Variants in C9orf50 observed in about 807,000 individuals in gnomAD.
C9orf50 encodes chromosome 9 open reading frame 50, also known as uncharacterized protein C9orf50.
Under a neutral mutation model 42.5 loss-of-function variants are expected in C9orf50, and 33 were observed. That is an observed-to-expected ratio of 0.78 (90% CI 0.59 to 1.04). The LOEUF is 1.04. C9orf50 is among the 50% of genes least tolerant of loss of function. The probability of loss-of-function intolerance (pLI) is 0.00; values close to 1 mark genes in which losing one functional copy is unlikely to be tolerated. For missense variants in C9orf50, 547 were observed against 594.3 expected (o/e 0.92, Z 0.83); for synonymous variants, 257 against 273.4 (o/e 0.94, Z 0.59).
In C9orf50 at chr9:129,620,482, C is replaced by T. The variant is rs995004659; in HGVS notation, c.93G>A (p.Arg31=). 10 of 1,387,660 alleles carry T rather than the reference C, an allele frequency of 7.2e-6. No individual in the cohort carries two copies. In the African/African-American group the frequency reaches 1.3e-4, roughly 19 times the overall value. 86.0% of individuals were successfully genotyped at this position (1,387,660 alleles called of 1,614,324 possible). A position where few individuals can be genotyped will look rare whatever the true frequency, so the allele number is the denominator to read the frequency against. Residue 31 remains arginine, a synonymous_variant, in exon 1 of 7, where the codon CGG becomes CGA. Transcript: ENST00000372478. The surrounding 1 kb of genome is among the most constrained non-coding windows in gnomAD (Gnocchi z 5.8). Reference sequence around the variant, plus strand: ...GCGCGGGCGGGGTCAGCTTGGGCAGCCGCGGGTCGCTGCTGCGTCGGAAGT... The same window carrying T: ...GCGCGGGCGGGGTCAGCTTGGGCAGTCGCGGGTCGCTGCTGCGTCGGAAGT...
chr9:129,619,298 G>C (rs1307242027), intron 3 of C9orf50, among the ~76,000 whole-genome samples: 3 of 152,158 alleles, frequency 2.0e-5, no homozygotes, highest in African/African-American at 7.2e-5. Flanking sequence ...TTATGTGTTG[G>C]TAGAAGACCT....
At position 129,619,824 on chromosome 9, in the gene C9orf50, G is replaced by GGGGAT. The variant is rs775355146; in HGVS notation, c.510_514dup (p.Pro172HisfsTer12). 2.0e-5 allele frequency: 32 copies of GGGGAT among 1,614,092 alleles called. No homozygotes were observed. The African/African-American group carries it at 3.6e-4, about 18-fold the overall frequency. ...TACACCCCTTTGATGTTGCGGTGCT[G>GGGGAT]GGGATGCTGGAGCCAGGAGGAAACA... is the stretch of plus-strand genomic sequence containing the variant. On this transcript the variant is annotated frameshift_variant, in exon 2 of 7. Transcript: ENST00000372478. LOFTEE classifies it high-confidence loss of function.
At chr9:129,619,453 GGAAA>G (rs1830559785) in intron 3 of C9orf50, 63 bp downstream of exon 3, 5 of 1,141,880 alleles carry the variant, frequency 4.4e-6, no homozygotes, top group Admixed American at 2.1e-5. Context: ...GGGCGAAAGA[GGAAA>G]GAAAGAAGGA....
intron 6 of C9orf50, 85 bp from the exon 7 acceptor site, chr9:129,612,539 C>T: frequency 9.5e-7 from 1 of 1,053,606 alleles, no homozygotes. Context: ...GTGCTGAAGC[C>T]CTGTTGGGCA....
chr9:129,615,637 C>T lies in C9orf50; in HGVS notation c.727G>A (p.Gly243Ser), dbSNP rs138364186. The stretch of plus-strand genomic sequence containing the variant: ...GCCTTGAGCCTGGGGACCTGTGCAC[C>T]GTGGGGCCTGCTGAGAGAGGGGAGA... Residue 243 changes from glycine (G) to serine (S), a missense_variant, in exon 4 of 7, where the codon GGT (glycine) becomes AGT (serine). Around this residue, in one of 3 missense-constraint regions of C9orf50, gnomAD observed 334 missense variants for 323.7 expected, o/e 1.03. Coordinates refer to ENST00000372478, the Ensembl canonical transcript of C9orf50. 624 of 1,565,902 alleles carry T rather than the reference C, an allele frequency of 4.0e-4. 2 individuals carry two copies. In the African/African-American group the frequency reaches 6.6e-3, roughly 17 times the overall value.
At chr9:129,616,996 G>A (rs971381453) in intron 3 of C9orf50, among the ~76,000 whole-genome samples, 1 of 152,122 alleles carries the variant, frequency 6.6e-6, no homozygotes, top group Non-Finnish European at 1.5e-5. Context: ...GAACCCAGGA[G>A]GTAGAGGTTG....
chr9:129,619,227 A>G (rs1425886016), intron 3 of C9orf50, among the ~76,000 whole-genome samples: 1 of 152,152 alleles, frequency 6.6e-6, no homozygotes, highest in Non-Finnish European at 1.5e-5. Context: ...CATGGATGAG[A>G]TGGATGCAAA....
intron 4 of C9orf50, among the ~76,000 whole-genome samples, chr9:129,615,259 C>T (rs971856568): frequency 2.0e-5 from 3 of 152,186 alleles, no homozygotes; most frequent in Non-Finnish European, 4.4e-5. Context: ...CAAGGTGCTG[C>T]CTGCGTTGGA....
intron 1 of C9orf50, 113 bp from the exon 2 acceptor site, chr9:129,619,943 AGATACTCAG>A (rs1830592839): frequency 6.7e-7 from 1 of 1,493,474 alleles, no homozygotes; most frequent in Non-Finnish European, 9.2e-7. Context: ...GAGGGCTCTG[AGATACTCAG>A]CTAACATTAG....
chr9:129,612,529 G>A, intron 6 of C9orf50, 75 bp from the exon 7 acceptor site: 1 of 1,170,416 alleles, frequency 8.5e-7, no homozygotes, highest in Admixed American at 2.0e-5. Context: ...GTGGGATTCT[G>A]TGCTGAAGCC....
Position 129,613,736 on chromosome 9 carries a change from G to A in C9orf50, c.881-139C>T. 1 of 1,064,976 alleles carries A rather than the reference G, an allele frequency of 9.4e-7. No individual in the cohort carries two copies. Among genetic ancestry groups the A allele is most frequent in the Non-Finnish European group, 1.3e-6 (1 of 743,790 alleles). 66.0% of individuals were successfully genotyped at this position (1,064,976 alleles called of 1,614,324 possible). A position where few individuals can be genotyped will look rare whatever the true frequency, so the allele number is the denominator to read the frequency against. ...ACCCCAGGCTCCCCAGCGCCTTCTG[G>A]CTGCCTCCAGAGAAGCCTTGGGTTT... On this transcript the variant is annotated intron_variant, in intron 4 of 6. Coordinates refer to ENST00000372478, the Ensembl canonical transcript of C9orf50. This position sits in a 1 kb window ranked among gnomAD's most constrained non-coding sequence, Gnocchi z 6.2.
Position 129,620,378 on chromosome 9 carries a change from T to C in C9orf50, c.197A>G (p.Asp66Gly). 8.2e-7 allele frequency: 1 copy of C among 1,225,234 alleles called. No homozygotes were observed. Among genetic ancestry groups the C allele is most frequent in the Non-Finnish European group, 1.0e-6 (1 of 985,414 alleles). The allele number at this position is 1,225,234 out of a possible 1,614,324, so 75.9% of individuals were successfully genotyped here. A position where few individuals can be genotyped will look rare whatever the true frequency, so the allele number is the denominator to read the frequency against. Residue 66 changes from aspartate to glycine, a missense_variant, in exon 1 of 7, where the codon GAC becomes GGC. By Grantham distance (94) the Asp-to-Gly change is moderately conservative (BLOSUM62 -1). Coordinates refer to ENST00000372478, the Ensembl canonical transcript of C9orf50. The surrounding 1 kb of genome is among the most constrained non-coding windows in gnomAD (Gnocchi z 5.8). ...TCCGACGCCCACCCCGGGCTTGGCG[T>C]CCCCTTCCGGCCACCACGCGGCGCC...
At position 129,620,301 on chromosome 9, in the gene C9orf50, G is replaced by T; in HGVS notation, c.274C>A (p.Arg92=). ...AGGGACCGCAGCAGCCCCCGCTTCC[G>T]CACGGCCCGCCGGGTCGCGGTGAGC... The change falls in exon 1 of 7, where the codon CGG becomes AGG. Residue 92 remains arginine (R), a synonymous_variant. Coordinates refer to ENST00000372478, the Ensembl canonical transcript of C9orf50. The surrounding 1 kb of genome is among the most constrained non-coding windows in gnomAD (Gnocchi z 5.8). 1 of 1,250,196 alleles carries T rather than the reference G, an allele frequency of 8.0e-7. No individual in the cohort carries two copies. Among genetic ancestry groups the T allele is most frequent in the Non-Finnish European group, 1.0e-6 (1 of 994,826 alleles). The allele number at this position is 1,250,196 out of a possible 1,614,324, so 77.4% of individuals were successfully genotyped here.
chr9:129,613,670 C>G lies in C9orf50; in HGVS notation c.881-73G>C. On this transcript the variant is annotated intron_variant, in intron 4 of 6. Coordinates refer to ENST00000372478, the Ensembl canonical transcript of C9orf50. This position sits in a 1 kb window ranked among gnomAD's most constrained non-coding sequence, Gnocchi z 6.2. The stretch of plus-strand genomic sequence containing the variant: ...TGGTGCCCCCACCCTCTTTTCCTCC[C>G]TCTGGCAGGCAGGGCCGGTCAGAGC... 6.3e-7 allele frequency: 1 copy of G among 1,583,538 alleles called. No homozygotes were observed.
chr9:129,619,926 G>A, intron 1 of C9orf50, 96 bp from the exon 2 acceptor site: 2 of 1,491,864 alleles, frequency 1.3e-6, no homozygotes, highest in Non-Finnish European at 1.9e-6. Flanking sequence ...CCTCAAGGAC[G>A]GGTTGCGAGG....
intron 6 of C9orf50, 40 bp from the exon 7 acceptor site, chr9:129,612,494 C>T: frequency 6.5e-7 from 1 of 1,538,114 alleles, no homozygotes; most frequent in Non-Finnish European, 8.9e-7. Flanking sequence ...CTACCAGGAC[C>T]TCGGGGCAGG....
chr9:129,621,770 C>T (rs1830728082), upstream of C9orf50, among the ~76,000 whole-genome samples: 1 of 152,152 alleles, frequency 6.6e-6, no homozygotes, highest in African/African-American at 2.4e-5. Context: ...CTCCCAACCA[C>T]ACCCCACTCC....
At chr9:129,617,952 G>T (rs974176591) in intron 3 of C9orf50, among the ~76,000 whole-genome samples, 2 of 152,182 alleles carry the variant, frequency 1.3e-5, no homozygotes, top group African/African-American at 4.8e-5. Flanking sequence ...CCAAAGCACT[G>T]GGATTATAGG....
rs2118861151 is a variant in C9orf50 at position 129,614,851 on chromosome 9, G to A, written c.880+633C>T. Reference sequence around the variant, plus strand: ...CGGGAGGTGGAGCTTGCAGCGAGCCGAGATCGCGCCACTGCACTCCAGCCT... The same window carrying A: ...CGGGAGGTGGAGCTTGCAGCGAGCCAAGATCGCGCCACTGCACTCCAGCCT... On this transcript the variant is annotated intron_variant, in intron 4 of 6. Transcript: ENST00000372478. The surrounding 1 kb of genome is among the most constrained non-coding windows in gnomAD (Gnocchi z 4.4). Among the ~76,000 whole-genome samples, 2 of 152,168 alleles carry A rather than the reference G, an allele frequency of 1.3e-5. No individual in the cohort carries two copies. The highest frequency in any genetic ancestry group is 2.1e-4 in the South Asian group (1 of 4,814).
Sources: gnomAD v4.1 joint callset for allele counts (sites outside exome capture counted in the v4.1 genomes callset) on GRCh38, gnomAD v4.1.1 for gene constraint, gnomAD v4.1.1 regional missense constraint, Gnocchi (gnomAD v3.1) non-coding constraint, MANE v1.5 for transcripts, NCBI Gene and HGNC (gene_info 2026-07-23, HGNC 2026-07-21) for gene names.